MEIOC: variants seen among roughly 807,000 people sequenced by gnomAD.
MEIOC encodes meiosis-specific coiled-coil domain-containing protein MEIOC.
In MEIOC, 9 loss-of-function variants were observed where a neutral mutation model predicts 85.3. The observed-to-expected ratio is 0.11, with a 90% confidence interval of 0.06 to 0.18. The LOEUF (loss-of-function observed/expected upper bound fraction) is 0.18, where lower values mean the gene tolerates loss of function less well. MEIOC is among the 10% of genes least tolerant of loss of function. The pLI is 1.00. For synonymous variants in MEIOC, 365 were observed against 393.7 expected (o/e 0.93, Z 0.86); for missense variants, 898 against 1,129.4 (o/e 0.80, Z 2.94).
chr17:44,657,329 C>A, intron 2 of MEIOC, 68 bp downstream of exon 2: 11 of 1,277,216 alleles, frequency 8.6e-6, no homozygotes, highest in Non-Finnish European at 1.2e-5. Flanking sequence ...GCCACCGATT[C>A]ATAGGTGTTT....
intron 4 of MEIOC, 21 bp from the exon 5 acceptor site, chr17:44,666,355 A>C: frequency 6.7e-7 from 1 of 1,503,480 alleles, no homozygotes; most frequent in Non-Finnish European, 8.9e-7. Flanking sequence ...AGTTGTAATT[A>C]AATATATTTA....
chr17:44,669,541 G>A (rs1195245765), intron 6 of MEIOC, 24 bp downstream of exon 6: 2 of 1,550,832 alleles, frequency 1.3e-6, no homozygotes, highest in African/African-American at 2.7e-5. Context: ...ATAGATAACA[G>A]TGGATGGATT....
At chr17:44,663,267 C>CA (rs1971862842) in intron 3 of MEIOC, among the ~76,000 whole-genome samples, 1 of 93,606 alleles carries the variant, frequency 1.1e-5, no homozygotes, top group African/African-American at 3.6e-5. Context: ...CCTTTATAAT[C>CA]TTGATGATGA....
Position 44,667,940 on chromosome 17 carries a change from A to C in MEIOC, c.2029A>C (p.Asn677His), listed in dbSNP as rs765303195. 6.2e-7 allele frequency: 1 copy of C among 1,613,924 alleles called. No individual in the cohort carries two copies. The highest frequency in any genetic ancestry group is 8.5e-7 in the Non-Finnish European group (1 of 1,179,838). ...TTATATGATGGGAGATTTAAGGCAT[A>C]ATCAGTGTTTTCAACAACTTGGTTC... Reference protein sequence around the residue: ...NNYMMGDLRHNQCFQQLGSNG... With the variant: ...NNYMMGDLRHHQCFQQLGSNG... The change falls in exon 5 of 8, where the codon AAT (asparagine) becomes CAT (histidine). Residue 677 changes from asparagine to histidine, a missense_variant. Around this residue, in one of 2 missense-constraint regions of MEIOC, gnomAD observed 734 missense variants for 860.1 expected, o/e 0.85. Coordinates refer to ENST00000409122, the MANE Select transcript of MEIOC (RefSeq NM_001145080.3).
intron 3 of MEIOC, among the ~76,000 whole-genome samples, chr17:44,664,383 T>C (rs148309887): frequency 2.0e-5 from 3 of 151,240 alleles, no homozygotes; most frequent in East Asian, 1.9e-4. Flanking sequence ...AATAAATAAA[T>C]AAACAAACAA....
chr17:44,662,581 T>C (rs1018121051), intron 3 of MEIOC, 110 bp downstream of exon 3: 1 of 800,452 alleles, frequency 1.2e-6, no homozygotes, highest in Admixed American at 3.2e-5. Flanking sequence ...TATTGTGGCA[T>C]TTTGTGTTTT....
rs1235770438 is a variant in MEIOC, at chr17:44,674,393, A to C, written c.*197A>C. 7.3e-7 allele frequency: 1 copy of C among 1,369,492 alleles called. No individual in the cohort carries two copies. Among genetic ancestry groups the C allele is most frequent in the Non-Finnish European group, 9.4e-7 (1 of 1,060,882 alleles). The allele number at this position is 1,369,492 out of a possible 1,614,324, so 84.8% of individuals were successfully genotyped here. A position where few individuals can be genotyped will look rare whatever the true frequency, so the allele number is the denominator to read the frequency against. ...CCGATATAGTTTTAAGTAAACGCAA[A>C]GGTACAGTTGACTACTCAGAGTTCT... On this transcript the variant is annotated 3_prime_UTR_variant, in exon 8 of 8. Coordinates refer to ENST00000409122, the MANE Select transcript of MEIOC (RefSeq NM_001145080.3).
At chr17:44,663,410 CATT>C (rs1971866481) in intron 3 of MEIOC, among the ~76,000 whole-genome samples, 1 of 151,952 alleles carries the variant, frequency 6.6e-6, no homozygotes, top group East Asian at 1.9e-4. Context: ...GCTGATGCCT[CATT>C]AGTCTAACCA....
chr17:44,671,854 C>T (rs564114798), intron 6 of MEIOC, among the ~76,000 whole-genome samples: 83 of 150,396 alleles, frequency 5.5e-4, no homozygotes, highest in African/African-American at 1.9e-3. Flanking sequence ...TGCAGTGAGC[C>T]GAGATCGCGC....
chr17:44,676,572 C>T (rs187894180), downstream of MEIOC, among the ~76,000 whole-genome samples: 1 of 152,140 alleles, frequency 6.6e-6, no homozygotes, highest in East Asian at 1.9e-4. Flanking sequence ...CCTGTAATCC[C>T]AGCACTTTGG....
rs767292987 is a variant in MEIOC, at chr17:44,667,977, C to T, written c.2066C>T (p.Pro689Leu). The change falls in exon 5 of 8, where the codon CCC (proline) becomes CTC (leucine). Residue 689 changes from proline (P) to leucine (L), a missense_variant. By Grantham distance (98) the Pro-to-Leu change is moderately conservative (BLOSUM62 -3). This residue lies in a region of MEIOC where 734 missense variants were observed against 860.1 expected (regional missense o/e 0.85). Transcript: ENST00000409122. ...CAACAACTTGGTTCAAATGGGTTTC[C>T]CCTAAGATCCACCCACCCATTTGGC... is the stretch of plus-strand genomic sequence containing the variant. Reference protein sequence around the residue: ...CFQQLGSNGFPLRSTHPFGHS... With the variant: ...CFQQLGSNGFLLRSTHPFGHS... The T allele has an allele frequency of 3.1e-6, 5 of 1,613,630 alleles. No homozygotes were observed. In the South Asian group the frequency reaches 4.4e-5, roughly 14 times the overall value.
intron 2 of MEIOC, among the ~76,000 whole-genome samples, chr17:44,661,532 TTGGGGACATTAAGAC>T (rs1354708181): frequency 3.9e-5 from 6 of 152,040 alleles, no homozygotes; most frequent in Non-Finnish European, 7.4e-5. Context: ...TTTTCAGAGA[TTGGGGACATTAAGAC>T]TGAAATTTAT....
In MEIOC at chr17:44,667,167, C is replaced by T. The variant is rs777775029; in HGVS notation, c.1256C>T (p.Thr419Ile). The change falls in exon 5 of 8, where the codon ACA becomes ATA. Residue 419 changes from threonine (T) to isoleucine (I), a missense_variant. Physicochemically the swap from Thr to Ile is moderately conservative, Grantham distance 89. Coordinates refer to ENST00000409122, the MANE Select transcript of MEIOC (RefSeq NM_001145080.3). ...EAVFTADFGL[T>I]SEYGLKPHTA... is the part of the protein sequence containing the mutation. ...GTATTCACTGCTGATTTTGGCTTAA[C>T]ATCAGAATATGGACTAAAACCTCAC... 1.1e-4 allele frequency: 170 copies of T among 1,613,752 alleles called. No homozygotes were observed. The highest frequency in any genetic ancestry group is 1.3e-4 in the Non-Finnish European group (154 of 1,179,868).
chr17:44,659,278 T>A (rs565489315), intron 2 of MEIOC, among the ~76,000 whole-genome samples: 1 of 152,314 alleles, frequency 6.6e-6, no homozygotes, highest in East Asian at 1.9e-4. Context: ...AGAGCTTGAT[T>A]TGTGCCCTAA....
At position 44,656,603 on chromosome 17, in the gene MEIOC, G is replaced by A; in HGVS notation, c.-11G>A. 1.4e-6 allele frequency: 2 copies of A among 1,471,222 alleles called. No individual in the cohort carries two copies. Among genetic ancestry groups the A allele is most frequent in the South Asian group, 1.3e-5 (1 of 75,586 alleles). The allele number at this position is 1,471,222 out of a possible 1,614,324, so 91.1% of individuals were successfully genotyped here. A position where few individuals can be genotyped will look rare whatever the true frequency, so the allele number is the denominator to read the frequency against. ...GCTGTGCCTAGTCCAGGAGAGGCTG[G>A]GGGGCGCCCCATGGAGGTGAGACGC... is the stretch of plus-strand genomic sequence containing the variant. On this transcript the variant is annotated 5_prime_UTR_variant, in exon 1 of 8. Transcript: ENST00000409122.
chr17:44,663,305 T>C (rs115867104), intron 3 of MEIOC, among the ~76,000 whole-genome samples: 164 of 151,748 alleles, frequency 1.1e-3, no homozygotes, highest in African/African-American at 3.2e-3. Flanking sequence ...ATGATGATGA[T>C]GACGATAACT....
chr17:44,665,125 G>A (rs111607233), intron 3 of MEIOC: 13 of 1,020,910 alleles, frequency 1.3e-5, no homozygotes, highest in African/African-American at 1.0e-4. Context: ...CATGTGTTGT[G>A]GAGAAATAAG....
chr17:44,668,486 A>G (rs983459118), intron 5 of MEIOC, among the ~76,000 whole-genome samples: 5 of 152,132 alleles, frequency 3.3e-5, no homozygotes. Context: ...GGCACATGCC[A>G]CCATGCCTGG....
At chr17:44,669,086 C>T (rs769268370) in intron 5 of MEIOC, among the ~76,000 whole-genome samples, 10 of 151,916 alleles carry the variant, frequency 6.6e-5, no homozygotes, top group Non-Finnish European at 1.5e-4. Flanking sequence ...ACCTGTAATC[C>T]CAGCTACGCG....
Sources: allele counts gnomAD v4.1 joint callset (sites outside exome capture counted in the v4.1 genomes callset), GRCh38; gene constraint gnomAD v4.1.1; regional missense constraint gnomAD v4.1.1; transcripts MANE v1.5; gene names NCBI Gene and HGNC (gene_info 2026-07-23, HGNC 2026-07-21).